Variants in ITGB8 observed in about 807,000 individuals in gnomAD.
ITGB8 encodes integrin subunit beta 8, also known as integrin beta-8.
Under a neutral mutation model 89.5 loss-of-function variants are expected in ITGB8, and 30 were observed. That is an observed-to-expected ratio of 0.34 (90% CI 0.25 to 0.45). ITGB8 has a LOEUF of 0.45. Ranked by LOEUF, ITGB8 falls within the 20% of genes least tolerant of loss-of-function variation. The pLI is 1.00. For synonymous variants in ITGB8, 335 were observed against 320.4 expected, an observed-to-expected ratio of 1.05 and a Z score of -0.49; for missense variants, 836 against 933.3, an observed-to-expected ratio of 0.90 and a Z score of 1.36.
chr7:20,388,787 GC>G (rs1347991712), intron 6 of ITGB8, among the ~76,000 whole-genome samples: 2 of 151,826 alleles, frequency 1.3e-5, no homozygotes, highest in Non-Finnish European at 2.9e-5. Context: ...CCCTCCTCTA[GC>G]CCCCCAACCC....
intron 3 of ITGB8, among the ~76,000 whole-genome samples, chr7:20,368,861 C>G (rs1055295362): frequency 6.6e-6 from 1 of 152,062 alleles, no homozygotes; most frequent in Non-Finnish European, 1.5e-5. Flanking sequence ...CTATATGAGC[C>G]TGAGATTATG....
At chr7:20,404,098 AT>A (rs987342664) in intron 10 of ITGB8, among the ~76,000 whole-genome samples, 1 of 152,016 alleles carries the variant, frequency 6.6e-6, no homozygotes, top group African/African-American at 2.4e-5. Flanking sequence ...TGTGAATGCA[AT>A]TGTTCAACTT....
chr7:20,403,558 C>T (rs929119930), intron 10 of ITGB8, among the ~76,000 whole-genome samples: 8 of 152,142 alleles, frequency 5.3e-5, no homozygotes, highest in Admixed American at 3.9e-4. Flanking sequence ...GGCCTGCTGG[C>T]GGGGAGTCAG....
At chr7:20,385,653 C>A (rs1029672152) in intron 6 of ITGB8, among the ~76,000 whole-genome samples, 1 of 152,154 alleles carries the variant, frequency 6.6e-6, no homozygotes, top group Admixed American at 6.5e-5. Context: ...GCAACTTTAA[C>A]ATGTACTTGA....
chr7:20,359,810 T>C (rs1302210683), intron 1 of ITGB8, among the ~76,000 whole-genome samples: 1 of 152,212 alleles, frequency 6.6e-6, no homozygotes, highest in Non-Finnish European at 1.5e-5. Flanking sequence ...TTTACTTACT[T>C]GCATATTTTT....
At chr7:20,330,568 G>T (rs937290998), upstream of ITGB8, 1 of 152,288 alleles carries the variant, frequency 6.6e-6, no homozygotes, top group South Asian at 2.1e-4. Flanking sequence ...GTGAACGATG[G>T]GAATGGCAAC....
chr7:20,360,799 G>A (rs1203661315), intron 1 of ITGB8, among the ~76,000 whole-genome samples: 1 of 151,664 alleles, frequency 6.6e-6, no homozygotes, highest in African/African-American at 2.4e-5. Context: ...GAATTGTACT[G>A]TGATAAACAT....
chr7:20,334,811 C>T (rs1784523220), intron 1 of ITGB8, among the ~76,000 whole-genome samples: 1 of 152,288 alleles, frequency 6.6e-6, no homozygotes, highest in Admixed American at 6.5e-5. Context: ...AGCAAAGTAG[C>T]TGATATGCTT....
Position 20,401,952 on chromosome 7 carries a change from C to A in ITGB8, c.1513C>A (p.Gln505Lys). 6.2e-7 allele frequency: 1 copy of A among 1,614,096 alleles called. No homozygotes were observed. Among genetic ancestry groups the A allele is most frequent in the Non-Finnish European group, 8.5e-7 (1 of 1,179,980 alleles). The change falls in exon 10 of 14, where the codon CAG (glutamine) becomes AAG (lysine). Residue 505 changes from glutamine (Q) to lysine (K), a missense_variant. Around this residue, in one of 5 missense-constraint regions of ITGB8, gnomAD observed 422 missense variants for 416.9 expected, o/e 1.01. Transcript: ENST00000222573. ...DENKCHFDED[Q>K]FSSESCKSHK... The stretch of plus-strand genomic sequence containing the variant: ...GAATAAATGTCATTTTGATGAAGAT[C>A]AGTTTTCTTCTGAGAGTTGCAAGTC...
rs746764508 is a variant in ITGB8, at chr7:20,401,789, C to T, written c.1350C>T (p.Ile450=). Residue 450 remains isoleucine, a synonymous_variant, in exon 10 of 14, where the codon ATC becomes ATT. Coordinates refer to ENST00000222573, the MANE Select transcript of ITGB8 (RefSeq NM_002214.3). The stretch of plus-strand genomic sequence containing the variant: ...CAGGAGGAAAAAACTATGCAATAAT[C>T]AAACCTATTGGTTTTAATGAAACCG... ...DVTGGKNYAI[I]KPIGFNETAK... 1 of 1,607,890 alleles carries T rather than the reference C, an allele frequency of 6.2e-7. No homozygotes were observed.
chr7:20,406,458 G>A (rs953718567), intron 12 of ITGB8, among the ~76,000 whole-genome samples: 1 of 152,022 alleles, frequency 6.6e-6, no homozygotes, highest in Admixed American at 6.5e-5. Context: ...GCATAGGCAG[G>A]AGAATCCCTT....
chr7:20,389,447 C>T (rs773681811), intron 6 of ITGB8, among the ~76,000 whole-genome samples: 5 of 152,128 alleles, frequency 3.3e-5, no homozygotes, highest in Non-Finnish European at 5.9e-5. Flanking sequence ...TACATTTGGT[C>T]AAAGTGACTT....
At chr7:20,389,427 A>C (rs1002376206) in intron 6 of ITGB8, among the ~76,000 whole-genome samples, 2 of 152,184 alleles carry the variant, frequency 1.3e-5, no homozygotes, top group South Asian at 4.1e-4. Flanking sequence ...TTCTAGATTT[A>C]AGTTTTATGT....
At chr7:20,378,418 T>C (rs969798826) in intron 3 of ITGB8, among the ~76,000 whole-genome samples, 18 of 152,210 alleles carry the variant, frequency 1.2e-4, no homozygotes, top group African/African-American at 4.1e-4. Flanking sequence ...CACCATTCTT[T>C]AGCCCACTGT....
rs746886746 is a variant in ITGB8 at position 20,404,684 on chromosome 7, C to T, written c.1744C>T (p.Arg582Ter). 1.2e-6 allele frequency: 2 copies of T among 1,613,928 alleles called. No homozygotes were observed. The highest frequency in any genetic ancestry group is 1.7e-6 in the Non-Finnish European group (2 of 1,179,982). ...CQCFSGWEGD[R>*]CQCPSAAAQH... ...ATGCTTCAGTGGCTGGGAAGGTGAT[C>T]GATGCCAGTGCCCTTCAGCAGCAGC... The change falls in exon 11 of 14, where the codon CGA becomes TGA. Residue 582 changes from arginine to a stop codon, truncating the protein, a stop_gained. Coordinates refer to ENST00000222573, the MANE Select transcript of ITGB8 (RefSeq NM_002214.3). LOFTEE classifies it high-confidence loss of function.
chr7:20,379,176 G>T lies in ITGB8; in HGVS notation c.514G>T (p.Asp172Tyr), dbSNP rs943883720. 1.9e-6 allele frequency: 3 copies of T among 1,611,894 alleles called. No homozygotes were observed. Among genetic ancestry groups the T allele is most frequent in the South Asian group, 1.1e-5 (1 of 90,744 alleles). Reference protein sequence around the residue: ...NIEKLNSVGNDLSRKMAFFSR... With the variant: ...NIEKLNSVGNYLSRKMAFFSR... The stretch of plus-strand genomic sequence containing the variant: ...AGAAAAATTAAATTCCGTTGGAAAC[G>T]ATTTATCTAGAAAAATGGCATTTTT... The change falls in exon 4 of 14, where the codon GAT (aspartate) becomes TAT (tyrosine). Residue 172 changes from aspartate (D) to tyrosine (Y), a missense_variant. This residue lies in a region of ITGB8 where 38 missense variants were observed against 52.2 expected (regional missense o/e 0.73). Coordinates refer to ENST00000222573, the MANE Select transcript of ITGB8 (RefSeq NM_002214.3).
At chr7:20,340,251 T>G (rs1784711403) in intron 1 of ITGB8, among the ~76,000 whole-genome samples, 1 of 152,162 alleles carries the variant, frequency 6.6e-6, no homozygotes, top group Admixed American at 6.5e-5. Flanking sequence ...AGATAAATAT[T>G]GGTATCGTTT....
chr7:20,410,096 G>C lies in ITGB8; in HGVS notation c.*99G>C. On this transcript the variant is annotated 3_prime_UTR_variant, in exon 14 of 14. Coordinates refer to ENST00000222573, the MANE Select transcript of ITGB8 (RefSeq NM_002214.3). Reference sequence around the variant, plus strand: ...TCACAGGAGGAGACAAATTGCTCACGGTCATGCCAGTTGCTGGTTGTACAC... The same window carrying C: ...TCACAGGAGGAGACAAATTGCTCACCGTCATGCCAGTTGCTGGTTGTACAC... 1 of 1,207,742 alleles carries C rather than the reference G, an allele frequency of 8.3e-7. No homozygotes were observed. Among genetic ancestry groups the C allele is most frequent in the Non-Finnish European group, 1.2e-6 (1 of 851,796 alleles). The allele number at this position is 1,207,742 out of a possible 1,614,324, so 74.8% of individuals were successfully genotyped here.
At chr7:20,371,827 G>T (rs1245106873) in intron 3 of ITGB8, among the ~76,000 whole-genome samples, 1 of 152,176 alleles carries the variant, frequency 6.6e-6, no homozygotes, top group African/African-American at 2.4e-5. Context: ...GTATGACAAT[G>T]TATTTACTTT....
Sources: allele counts gnomAD v4.1 joint callset (sites outside exome capture counted in the v4.1 genomes callset), GRCh38; gene constraint gnomAD v4.1.1; regional missense constraint gnomAD v4.1.1; transcripts MANE v1.5; gene names NCBI Gene and HGNC (gene_info 2026-07-23, HGNC 2026-07-21).